The following ZNF385D variants were observed in gnomAD, a reference collection of about 807,000 sequenced individuals.
The protein encoded by ZNF385D is zinc finger protein 659.
Under a neutral mutation model 35.8 loss-of-function variants are expected in ZNF385D, and 15 were observed. The observed-to-expected ratio is 0.42, with a 90% CI of 0.28 to 0.64. ZNF385D has a LOEUF of 0.64. Ranked by LOEUF, ZNF385D falls within the 30% of genes least tolerant of loss-of-function variation. ZNF385D has a pLI of 0.23. For missense variants in ZNF385D, 474 were observed against 494.6 expected (o/e 0.96, Z 0.39); for synonymous variants, 212 against 186.8 (o/e 1.13, Z -1.10).
At chr3:22,184,628 C>A (rs1389491469) in intron 2 of ZNF385D, among the ~76,000 whole-genome samples, 1 of 152,054 alleles carries the variant, frequency 6.6e-6, no homozygotes. Flanking sequence ...GAATTCGAGA[C>A]CAGACTGTCC....
Position 21,521,086 on chromosome 3 carries a change from A to C in ZNF385D, c.277-10063T>G, listed in dbSNP as rs533809568. ...CAATCTCTAATTCATAAATCTGAGA[A>C]TAGTTCTGATTGTTCCTTTTATGAA... On this transcript the variant is annotated intron_variant, in intron 3 of 7. Coordinates refer to ENST00000281523, the MANE Select transcript of ZNF385D (RefSeq NM_024697.3). 3.9e-5 allele frequency among the ~76,000 whole-genome samples: 6 copies of C among 152,340 alleles called. No homozygotes were observed. The South Asian group carries it at 1.2e-3, about 32-fold the overall frequency.
intron 3 of ZNF385D, among the ~76,000 whole-genome samples, chr3:21,825,579 C>T (rs1325718007): frequency 1.3e-5 from 2 of 152,138 alleles, no homozygotes; most frequent in Admixed American, 1.3e-4. Flanking sequence ...CTGCATTCTT[C>T]ATTTCATTGG....
intron 3 of ZNF385D, among the ~76,000 whole-genome samples, chr3:21,776,007 A>G (rs915927792): frequency 6.6e-6 from 1 of 151,722 alleles, no homozygotes; most frequent in Non-Finnish European, 1.5e-5. Flanking sequence ...TGTGATGTCC[A>G]TTTTTTACAT....
At chr3:21,959,761 T>C (rs948836820) in intron 3 of ZNF385D, among the ~76,000 whole-genome samples, 31 of 151,986 alleles carry the variant, frequency 2.0e-4, no homozygotes, top group African/African-American at 7.5e-4. Context: ...ATTTAACTGC[T>C]CCCCTCACTC....
At chr3:22,014,054 T>C (rs1325424404) in intron 3 of ZNF385D, among the ~76,000 whole-genome samples, 2 of 152,038 alleles carry the variant, frequency 1.3e-5, no homozygotes, top group Admixed American at 6.6e-5. Flanking sequence ...ACGTCAGGAA[T>C]GGGAAGAAAT....
At chr3:21,716,854 T>C (rs958458208) in intron 1 of ZNF385D, among the ~76,000 whole-genome samples, 3 of 152,184 alleles carry the variant, frequency 2.0e-5, no homozygotes, top group African/African-American at 7.2e-5. Context: ...GCTGGTGCGG[T>C]GGCTCATACC....
At chr3:22,095,422 G>C (rs1027832548) in intron 3 of ZNF385D, among the ~76,000 whole-genome samples, 1 of 151,522 alleles carries the variant, frequency 6.6e-6, no homozygotes, top group Non-Finnish European at 1.5e-5. Context: ...TTTCCTCTGA[G>C]AATCTTCTCA....
chr3:21,665,818 G>A (rs754895842), intron 1 of ZNF385D, among the ~76,000 whole-genome samples: 12 of 152,192 alleles, frequency 7.9e-5, no homozygotes, highest in Non-Finnish European at 1.8e-4. Flanking sequence ...GGAGCTGGAA[G>A]GATGGAAGCC....
At chr3:22,329,443 C>A (rs1032305913) in intron 2 of ZNF385D, among the ~76,000 whole-genome samples, 1 of 152,096 alleles carries the variant, frequency 6.6e-6, no homozygotes, top group African/African-American at 2.4e-5. Flanking sequence ...TAAAATTGTT[C>A]TCTTTATACC....
intron 2 of ZNF385D, among the ~76,000 whole-genome samples, chr3:21,633,967 A>T (rs986666317): frequency 6.6e-6 from 1 of 151,994 alleles, no homozygotes; most frequent in Non-Finnish European, 1.5e-5. Flanking sequence ...AAGATCAGGC[A>T]GGTGGATTGC....
At chr3:22,191,879 T>A (rs537452690) in intron 2 of ZNF385D, among the ~76,000 whole-genome samples, 5 of 150,396 alleles carry the variant, frequency 3.3e-5, no homozygotes, top group Non-Finnish European at 7.4e-5. Flanking sequence ...TTACTACTGA[T>A]GCTTATTAAA....
At chr3:22,369,963 C>CA (rs1183852823) in intron 2 of ZNF385D, among the ~76,000 whole-genome samples, 4 of 152,044 alleles carry the variant, frequency 2.6e-5, no homozygotes, top group Admixed American at 6.6e-5. Flanking sequence ...AATTAAATTA[C>CA]AAAAAAACTA....
At chr3:21,700,311 C>T (rs925076079) in intron 1 of ZNF385D, among the ~76,000 whole-genome samples, 2 of 151,984 alleles carry the variant, frequency 1.3e-5, no homozygotes, top group Non-Finnish European at 2.9e-5. Context: ...AGAAGCACTC[C>T]AGACTGAGGG....
intron 2 of ZNF385D, among the ~76,000 whole-genome samples, chr3:22,312,087 C>T (rs1451388552): frequency 6.6e-6 from 1 of 152,100 alleles, no homozygotes; most frequent in Admixed American, 6.6e-5. Flanking sequence ...TTTCTAATAA[C>T]TCAATCGGGC....
chr3:21,432,098 G>A (rs529026098), intron 5 of ZNF385D, among the ~76,000 whole-genome samples: 1 of 152,102 alleles, frequency 6.6e-6, no homozygotes, highest in East Asian at 1.9e-4. Context: ...AGAATTGTGC[G>A]GGACAGATTT....
At chr3:21,851,517 C>T (rs1247611329) in intron 3 of ZNF385D, among the ~76,000 whole-genome samples, 1 of 151,960 alleles carries the variant, frequency 6.6e-6, no homozygotes, top group Non-Finnish European at 1.5e-5. Flanking sequence ...AAAAATCTCT[C>T]GTGTCCTTAA....
At chr3:22,329,386 A>G (rs1033480578) in intron 2 of ZNF385D, among the ~76,000 whole-genome samples, 2 of 152,184 alleles carry the variant, frequency 1.3e-5, no homozygotes, top group Admixed American at 1.3e-4. Flanking sequence ...ACATCAGTTC[A>G]AGTGTTGATA....
At chr3:21,980,039 C>A (rs967755742) in intron 3 of ZNF385D, among the ~76,000 whole-genome samples, 3 of 152,172 alleles carry the variant, frequency 2.0e-5, no homozygotes, top group Admixed American at 6.6e-5. Context: ...ATTGTGATAT[C>A]TGAGCAAGAT....
upstream of ZNF385D, among the ~76,000 whole-genome samples, chr3:21,752,303 G>C (rs934120082): frequency 6.6e-6 from 1 of 152,036 alleles, no homozygotes; most frequent in Non-Finnish European, 1.5e-5. Flanking sequence ...AATTTCTATA[G>C]ACATTTATGA....
Sources: gnomAD v4.1 joint callset for allele counts (sites outside exome capture counted in the v4.1 genomes callset) on GRCh38, gnomAD v4.1.1 for gene constraint, MANE v1.5 for transcripts, NCBI Gene and HGNC (gene_info 2026-07-23, HGNC 2026-07-21) for gene names.